SHISA4: variants seen among roughly 807,000 people sequenced by gnomAD.
The protein encoded by SHISA4 is protein shisa-4.
Under a neutral mutation model 24.2 loss-of-function variants are expected in SHISA4, and 16 were observed. That is an observed-to-expected ratio of 0.66 (90% CI 0.45 to 1.00). The LOEUF is 1.00. Ranked by LOEUF, SHISA4 falls within the 50% of genes least tolerant of loss-of-function variation. The pLI is 0.00. For missense variants in SHISA4, 238 were observed against 258.9 expected (o/e 0.92, Z 0.55); for synonymous variants, 106 against 105.4 (o/e 1.01, Z -0.04).
At position 201,889,605 on chromosome 1, in the gene SHISA4, C is replaced by T; in HGVS notation, c.234C>T (p.Cys78=). Residue 78 remains cysteine, a synonymous_variant, in exon 2 of 5, where the codon TGC becomes TGT. Transcript: ENST00000362011. ...TCACCGAGAGGCAGCAGAAGCACTGCCTGGCCTTCAGGTGGGTTCCTGCCT... is the reference window on the plus strand; with the variant it reads ...TCACCGAGAGGCAGCAGAAGCACTGTCTGGCCTTCAGGTGGGTTCCTGCCT... ...LLITERQQKH[C]LAFSPKTIAG... is the part of the protein sequence containing the mutation. 9.9e-6 allele frequency: 16 copies of T among 1,613,722 alleles called. No individual in the cohort carries two copies. The highest frequency in any genetic ancestry group is 1.4e-5 in the Non-Finnish European group (16 of 1,179,992).
intron 2 of SHISA4, among the ~76,000 whole-genome samples, 198 bp downstream of exon 2, chr1:201,889,814 A>C (rs544847946): frequency 7.9e-5 from 12 of 152,186 alleles, no homozygotes; most frequent in Non-Finnish European, 1.6e-4. Flanking sequence ...AAGGCATGTT[A>C]GTTACCTTCA....
chr1:201,890,323 G>T lies in SHISA4; in HGVS notation c.246-131G>T, dbSNP rs1681069800. ...CTAAGATCTCCTTCACAGGGACTGG[G>T]CAGAGCCCCACAAGGAACCCCAAAT... On this transcript the variant is annotated intron_variant, in intron 2 of 4. Transcript: ENST00000362011. The T allele has an allele frequency of 2.5e-6, 3 of 1,208,222 alleles. No individual in the cohort carries two copies. The African/African-American group carries it at 4.6e-5, about 18-fold the overall frequency. The allele number at this position is 1,208,222 out of a possible 1,614,324, so 74.8% of individuals were successfully genotyped here.
chr1:201,890,451 AAGCCCCAAGACCAT>A lies in SHISA4; in HGVS notation c.247_260del (p.Pro83ArgfsTer39). 1 of 1,614,026 alleles carries A rather than the reference AAGCCCCAAGACCAT, an allele frequency of 6.2e-7. No homozygotes were observed. Among genetic ancestry groups the A allele is most frequent in the Non-Finnish European group, 8.5e-7 (1 of 1,179,966 alleles). ...GGTGAGAGGACCTGTTCTTTGTCTA[AAGCCCCAAGACCAT>A]AGCAGGCATCGCCTCAGCTGTGATC... On this transcript the variant is annotated splice_acceptor_variant and coding_sequence_variant, in exon 3 of 5. Coordinates refer to ENST00000362011, the MANE Select transcript of SHISA4 (RefSeq NM_198149.3). LOFTEE classifies it high-confidence loss of function.
intron 1 of SHISA4, 106 bp downstream of exon 1, chr1:201,889,173 G>A: frequency 8.9e-7 from 1 of 1,129,556 alleles, no homozygotes; most frequent in Non-Finnish European, 1.2e-6. Flanking sequence ...CCCTCCGGCT[G>A]CCACGGGAGC....
chr1:201,889,325 A>G lies in SHISA4; in HGVS notation c.74-120A>G, dbSNP rs1320809395. On this transcript the variant is annotated intron_variant, in intron 1 of 4. Coordinates refer to ENST00000362011, the MANE Select transcript of SHISA4 (RefSeq NM_198149.3). ...GGCTGAGACCCTCAGGGTGGAGACA[A>G]GGGGCAACCCTCAGTGTTCGGGAGC... The G allele has an allele frequency of 7.2e-6, 10 of 1,395,902 alleles. 1 individual carries two copies. The highest frequency in any genetic ancestry group is 2.6e-5 in the South Asian group (2 of 76,902). The allele number at this position is 1,395,902 out of a possible 1,614,324, so 86.5% of individuals were successfully genotyped here.
At chr1:201,890,208 T>C (rs926916035) in intron 2 of SHISA4, among the ~76,000 whole-genome samples, 1 of 152,220 alleles carries the variant, frequency 6.6e-6, no homozygotes, top group Non-Finnish European at 1.5e-5. Context: ...GTTGTAGATA[T>C]AAAAGCAATG....
chr1:201,890,334 C>A, intron 2 of SHISA4, 120 bp from the exon 3 acceptor site: 1 of 1,362,002 alleles, frequency 7.3e-7, no homozygotes, highest in Non-Finnish European at 1.0e-6. Flanking sequence ...CAGAGCCCCA[C>A]AAGGAACCCC....
At chr1:201,891,626 C>T in intron 4 of SHISA4, 58 bp downstream of exon 4, 1 of 1,561,080 alleles carries the variant, frequency 6.4e-7, no homozygotes, top group South Asian at 1.2e-5. Flanking sequence ...TGCCCTGCGA[C>T]CTCCCCTGTG....
rs1403045995 is a variant in SHISA4 at position 201,888,967 on chromosome 1, C to T, written c.-28C>T. ...TCCTGCGGTCCCTTCTCTGGGAGGC[C>T]CGACCCCGGCCGCGCCCAGCCCCCA... is the stretch of plus-strand genomic sequence containing the variant. On this transcript the variant is annotated 5_prime_UTR_variant, in exon 1 of 5. Coordinates refer to ENST00000362011, the MANE Select transcript of SHISA4 (RefSeq NM_198149.3). 7.3e-7 allele frequency: 1 copy of T among 1,373,174 alleles called. No homozygotes were observed. Among genetic ancestry groups the T allele is most frequent in the African/African-American group, 1.5e-5 (1 of 65,672 alleles). The allele number at this position is 1,373,174 out of a possible 1,614,324, so 85.1% of individuals were successfully genotyped here. A position where few individuals can be genotyped will look rare whatever the true frequency, so the allele number is the denominator to read the frequency against.
chr1:201,889,107 G>A (rs1681042265), intron 1 of SHISA4, 40 bp downstream of exon 1: 7 of 1,380,470 alleles, frequency 5.1e-6, no homozygotes, highest in African/African-American at 4.4e-5. Flanking sequence ...GTGGGATGGG[G>A]GCGGAGGAAG....
Position 201,891,969 on chromosome 1 carries a change from C to A in SHISA4, c.*123C>A. On this transcript the variant is annotated 3_prime_UTR_variant, in exon 5 of 5. Transcript: ENST00000362011. ...TCCAGCCACCAGGCCCCAGACCAAG[C>A]CAAGCCCTGGGCCCTACTGGGGACA... 8.5e-7 allele frequency: 1 copy of A among 1,174,916 alleles called. No individual in the cohort carries two copies. Among genetic ancestry groups the A allele is most frequent in the Non-Finnish European group, 1.3e-6 (1 of 790,344 alleles). 72.8% of individuals were successfully genotyped at this position (1,174,916 alleles called of 1,614,324 possible).
Position 201,890,464 on chromosome 1 carries a change from A to G in SHISA4, c.256A>G (p.Ile86Val), listed in dbSNP as rs1681072365. The change falls in exon 3 of 5, where the codon ATA becomes GTA. Residue 86 changes from isoleucine to valine, a missense_variant. Ile to Val is a conservative substitution (Grantham distance 29). Transcript: ENST00000362011. ...KHCLAFSPKT[I>V]AGIASAVILF... ...GTTCTTTGTCTAAAGCCCCAAGACCATAGCAGGCATCGCCTCAGCTGTGAT... is the reference window on the plus strand; with the variant it reads ...GTTCTTTGTCTAAAGCCCCAAGACCGTAGCAGGCATCGCCTCAGCTGTGAT... The G allele has an allele frequency of 1.2e-6, 2 of 1,614,242 alleles. No homozygotes were observed. Among genetic ancestry groups the G allele is most frequent in the South Asian group, 1.1e-5 (1 of 91,090 alleles).
In SHISA4 at chr1:201,889,161, GA is replaced by G. The variant is rs1349267834; in HGVS notation, c.73+95del. The G allele has an allele frequency of 2.4e-6, 3 of 1,226,484 alleles. No individual in the cohort carries two copies. The East Asian group carries it at 7.8e-5, about 32-fold the overall frequency. The allele number at this position is 1,226,484 out of a possible 1,614,324, so 76.0% of individuals were successfully genotyped here. On this transcript the variant is annotated intron_variant, in intron 1 of 4. Transcript: ENST00000362011. ...GGGCTTGGGCTCGGGGCTTCTCCGA[GA>G]CCCTCCGGCTGCCACGGGAGCCTTG...
In SHISA4 at chr1:201,891,860, T is replaced by C; in HGVS notation, c.*14T>C. ...CCGGGAGCCTGAGGAACCAGCCATG[T>C]CTCTGCTGCCCCTTCAGTGATGCCA... On this transcript the variant is annotated 3_prime_UTR_variant, in exon 5 of 5. Transcript: ENST00000362011. 1.2e-6 allele frequency: 2 copies of C among 1,613,854 alleles called. No homozygotes were observed. Among genetic ancestry groups the C allele is most frequent in the Non-Finnish European group, 1.7e-6 (2 of 1,179,820 alleles).
intron 1 of SHISA4, 165 bp from the exon 2 acceptor site, chr1:201,889,280 A>T (rs1681045933): frequency 5.0e-6 from 5 of 1,009,442 alleles, no homozygotes; most frequent in Non-Finnish European, 7.1e-6. Flanking sequence ...AGCTTCAGGC[A>T]GAGGCCTCGG....
chr1:201,889,637 C>T (rs1418639030), intron 2 of SHISA4, 21 bp downstream of exon 2: 1 of 1,612,114 alleles, frequency 6.2e-7, no homozygotes, highest in Non-Finnish European at 8.5e-7. Flanking sequence ...GCCTCCTCAC[C>T]CTCACCACCT....
chr1:201,889,051 G>T lies in SHISA4; in HGVS notation c.57G>T (p.Val19=). 1 of 1,396,332 alleles carries T rather than the reference G, an allele frequency of 7.2e-7. No homozygotes were observed. Among genetic ancestry groups the T allele is most frequent in the South Asian group, 1.7e-5 (1 of 58,890 alleles). 86.5% of individuals were successfully genotyped at this position (1,396,332 alleles called of 1,614,324 possible). ...CGCTCACCGCAATCGCTCTGTTGGTGCTGGGGGCTCCCCTGGGTAAGGGGA... is the reference window on the plus strand; with the variant it reads ...CGCTCACCGCAATCGCTCTGTTGGTTCTGGGGGCTCCCCTGGGTAAGGGGA... ...AAPLTAIALL[V]LGAPLVLAGE... Residue 19 remains valine, a synonymous_variant, in exon 1 of 5, where the codon GTG becomes GTT. Transcript: ENST00000362011.
At position 201,891,548 on chromosome 1, in the gene SHISA4, C is replaced by A; in HGVS notation, c.527C>A (p.Pro176His). The change falls in exon 4 of 5, where the codon CCC becomes CAC. Residue 176 changes from proline (P) to histidine (H), a missense_variant. Coordinates refer to ENST00000362011, the MANE Select transcript of SHISA4 (RefSeq NM_198149.3). ...CAATATCCACTCTACCCAGCTGGGC[C>A]CCCAGTCTACAACCCTGCAGGTAAG... The part of the protein sequence containing the change: ...APQYPLYPAG[P>H]PVYNPAAPPP... 1 of 1,612,568 alleles carries A rather than the reference C, an allele frequency of 6.2e-7. No homozygotes were observed.
chr1:201,890,792 G>A (rs1020077819), intron 3 of SHISA4, among the ~76,000 whole-genome samples: 4 of 152,226 alleles, frequency 2.6e-5, no homozygotes, highest in African/African-American at 9.7e-5. Flanking sequence ...CAGACTTTGT[G>A]TGCATTTCTG....
Sources: allele counts gnomAD v4.1 joint callset (sites outside exome capture counted in the v4.1 genomes callset), GRCh38; gene constraint gnomAD v4.1.1; transcripts MANE v1.5; gene names NCBI Gene and HGNC (gene_info 2026-07-23, HGNC 2026-07-21).